MKNK2: variants seen among roughly 807,000 people sequenced by gnomAD.
The protein encoded by MKNK2 is MAPK interacting serine/threonine kinase 2.
A neutral mutation model predicts 55.0 loss-of-function variants in MKNK2; 54 were observed. That is an observed-to-expected ratio of 0.98 (90% CI 0.79 to 1.23). MKNK2 has a LOEUF of 1.23. MKNK2 is among the 50% of genes most tolerant of loss of function. The pLI, the probability that MKNK2 is intolerant of heterozygous loss-of-function variation, is 0.00. For missense variants in MKNK2, 685 were observed against 632.1 expected (o/e 1.08, Z -0.90); for synonymous variants, 323 against 256.0 (o/e 1.26, Z -2.50).
At chr19:2,042,162 G>A (rs1208956908) in intron 10 of MKNK2, 128 bp from the exon 11 acceptor site, 15 of 951,644 alleles carry the variant, frequency 1.6e-5, no homozygotes, top group Admixed American at 3.6e-5. Context: ...CCAATCAGCG[G>A]CTGCCGGGAA....
At position 2,051,121 on chromosome 19, in the gene MKNK2, C is replaced by A. The variant is rs1418331829; in HGVS notation, c.-122G>T. 1 of 198,122 alleles carries A rather than the reference C, an allele frequency of 5.0e-6. No homozygotes were observed. Among genetic ancestry groups the A allele is most frequent in the Admixed American group, 6.1e-5 (1 of 16,352 alleles). The allele number at this position is 198,122 out of a possible 1,614,324, so 12.3% of individuals were successfully genotyped here. ...CGGGGTCGGGCTTGGGCCGGGGCCG[C>A]AGTGCCGCCGCCGCCCCACGTCGCG... On this transcript the variant is annotated 5_prime_UTR_variant, in exon 1 of 14. Coordinates refer to ENST00000250896, the MANE Select transcript of MKNK2 (RefSeq NM_199054.3).
At chr19:2,040,859 G>A (rs148317007) in intron 12 of MKNK2, 181 bp downstream of exon 12, 66 of 648,972 alleles carry the variant, frequency 1.0e-4, no homozygotes, top group East Asian at 6.1e-4. Context: ...AGCGGGCACC[G>A]TGCACAGGCG....
At position 2,046,184 on chromosome 19, in the gene MKNK2, A is replaced by T; in HGVS notation, c.339+2T>A. 1 of 1,608,106 alleles carries T rather than the reference A, an allele frequency of 6.2e-7. No individual in the cohort carries two copies. The highest frequency in any genetic ancestry group is 8.5e-7 in the Non-Finnish European group (1 of 1,179,812). ...GTTCCCCAGGGCGCGGCGCGGGCCC[A>T]CCTTGACGGCGTACTCCTGGCTGGT... On this transcript the variant is annotated splice_donor_variant, in intron 5 of 13. Transcript: ENST00000250896. LOFTEE classifies it high-confidence loss of function.
rs747356148 is a variant in MKNK2, at chr19:2,046,590, C to A, written c.139+14G>T. ...GCAGCTGCCCTGTGCCCTCCTCCCC[C>A]TCGGGCCCCTCACCAGGGCGGGCTG... is the stretch of plus-strand genomic sequence containing the variant. On this transcript the variant is annotated intron_variant, in intron 3 of 13. Coordinates refer to ENST00000250896, the MANE Select transcript of MKNK2 (RefSeq NM_199054.3). The A allele has an allele frequency of 6.4e-7, 1 of 1,560,310 alleles. No homozygotes were observed. Among genetic ancestry groups the A allele is most frequent in the South Asian group, 1.2e-5 (1 of 84,922 alleles).
chr19:2,038,994 G>A lies in MKNK2; in HGVS notation c.*619C>T, dbSNP rs1236309926. 1.0e-6 allele frequency: 1 copy of A among 986,116 alleles called. No homozygotes were observed. Among genetic ancestry groups the A allele is most frequent in the Non-Finnish European group, 1.2e-6 (1 of 830,256 alleles). 61.1% of individuals were successfully genotyped at this position (986,116 alleles called of 1,614,324 possible). ...GTCAACTATCATGGGGACAAGGCAG[G>A]CGCGGGTGAAGGGCTGGGGGATCCC... On this transcript the variant is annotated 3_prime_UTR_variant, in exon 14 of 14. Coordinates refer to ENST00000250896, the MANE Select transcript of MKNK2 (RefSeq NM_199054.3).
intron 7 of MKNK2, 86 bp from the exon 8 acceptor site, chr19:2,042,956 G>T: frequency 7.0e-7 from 1 of 1,429,324 alleles, no homozygotes; most frequent in Non-Finnish European, 9.7e-7. Context: ...CTCCACTTTG[G>T]CGGGGACGCC....
intron 2 of MKNK2, among the ~76,000 whole-genome samples, chr19:2,047,839 C>T (rs1419800139): frequency 1.3e-5 from 2 of 152,088 alleles, no homozygotes; most frequent in African/African-American, 4.8e-5. Context: ...TTCCATCACC[C>T]CTGCCTTCTG....
rs938058328 is a variant in MKNK2 at position 2,050,736 on chromosome 19, G to A, written c.51+65C>T. 9 of 1,448,566 alleles carry A rather than the reference G, an allele frequency of 6.2e-6. No homozygotes were observed. The Admixed American group carries it at 1.2e-4, about 20-fold the overall frequency. 89.7% of individuals were successfully genotyped at this position (1,448,566 alleles called of 1,614,324 possible). Reference sequence around the variant, plus strand: ...AGCCGATCTTAGGGGCGGGCCCCGCGCCCCCCACGCCGGCCATTCCGGTGG... The same window carrying A: ...AGCCGATCTTAGGGGCGGGCCCCGCACCCCCCACGCCGGCCATTCCGGTGG... On this transcript the variant is annotated intron_variant, in intron 2 of 13. Coordinates refer to ENST00000250896, the MANE Select transcript of MKNK2 (RefSeq NM_199054.3).
At chr19:2,040,056 C>T (rs928787802) in intron 13 of MKNK2, 78 bp downstream of exon 13, 82 of 1,483,770 alleles carry the variant, frequency 5.5e-5, no homozygotes, top group Middle Eastern at 1.7e-4. Flanking sequence ...AGCAGTTCTC[C>T]GGGTCTTTCA....
intron 2 of MKNK2, 55 bp from the exon 3 acceptor site, chr19:2,046,746 G>T: frequency 7.2e-7 from 1 of 1,391,640 alleles, no homozygotes; most frequent in African/African-American, 1.5e-5. Context: ...CCACGCAGCA[G>T]GGAGACCTAT....
rs1305297543 is a variant in MKNK2, at chr19:2,046,247, C to T, written c.278G>A (p.Gly93Asp). The T allele has an allele frequency of 1.9e-6, 3 of 1,606,258 alleles. No individual in the cohort carries two copies. The highest frequency in any genetic ancestry group is 1.7e-6 in the Non-Finnish European group (2 of 1,179,920). ...GCAGGTCTGCACTCGGGCATGAGCG[C>T]CCTCCCCCAGCACATCTTCCTGCAG... ...YQLQEDVLGEGAHARVQTCIN... is the reference protein window; with the variant it reads ...YQLQEDVLGEDAHARVQTCIN... The change falls in exon 5 of 14, where the codon GGC becomes GAC. Residue 93 changes from glycine to aspartate, a missense_variant. Gly to Asp is a moderately conservative substitution (Grantham distance 94, BLOSUM62 -1). Transcript: ENST00000250896.
intron 6 of MKNK2, 81 bp downstream of exon 6, chr19:2,043,422 C>G (rs1351272314): frequency 3.7e-6 from 5 of 1,358,148 alleles, no homozygotes; most frequent in African/African-American, 1.4e-5. Flanking sequence ...CAGACGCTTG[C>G]TGGGGGTGAT....
In MKNK2 at chr19:2,037,835, GAAAAA is replaced by G. The variant is rs749159900; in HGVS notation, c.*1773_*1777del. ...GGAGGAAGTGACTGTCCCACCTTCA[GAAAAA>G]AAAAAAAAAACAAACAAACAAACGC... On this transcript the variant is annotated 3_prime_UTR_variant, in exon 14 of 14. Transcript: ENST00000250896. The G allele has an allele frequency of 7.8e-6, 10 of 1,282,498 alleles. No individual in the cohort carries two copies. Among genetic ancestry groups the G allele is most frequent in the South Asian group, 1.5e-5 (1 of 65,422 alleles). The allele number at this position is 1,282,498 out of a possible 1,614,324, so 79.4% of individuals were successfully genotyped here.
intron 11 of MKNK2, 109 bp from the exon 12 acceptor site, chr19:2,041,313 A>G (rs2016877028): frequency 8.7e-7 from 1 of 1,152,412 alleles, no homozygotes; most frequent in Non-Finnish European, 1.2e-6. Context: ...CAGGCCCTAG[A>G]CCACGCACGC....
chr19:2,039,185 G>A lies in MKNK2; in HGVS notation c.*428C>T, dbSNP rs2016819173. ...CGGGCTGGGAGGGAACACGAGGGCAGGGTCCTGTGCCCCTCCCCAGCTCTG... is the reference window on the plus strand; with the variant it reads ...CGGGCTGGGAGGGAACACGAGGGCAAGGTCCTGTGCCCCTCCCCAGCTCTG... On this transcript the variant is annotated 3_prime_UTR_variant, in exon 14 of 14. Transcript: ENST00000250896. 9.9e-7 allele frequency: 1 copy of A among 1,011,150 alleles called. No homozygotes were observed. The highest frequency in any genetic ancestry group is 5.5e-5 in the Admixed American group (1 of 18,134). 62.6% of individuals were successfully genotyped at this position (1,011,150 alleles called of 1,614,324 possible). A position where few individuals can be genotyped will look rare whatever the true frequency, so the allele number is the denominator to read the frequency against.
In MKNK2 at chr19:2,041,926, T is replaced by C. The variant is rs1177789365; in HGVS notation, c.859A>G (p.Ile287Val). 1 of 1,551,458 alleles carries C rather than the reference T, an allele frequency of 6.4e-7. No individual in the cohort carries two copies. Among genetic ancestry groups the C allele is most frequent in the Non-Finnish European group, 8.7e-7 (1 of 1,147,532 alleles). ...DLWSLGVILY[I>V]LLSGYPPFVG... ...AAGGGCGGGTAGCCGCTGAGTAGGA[T>C]ATACAAGATGACGCCCAGGCTCCAC... Residue 287 changes from isoleucine (I) to valine (V), a missense_variant, in exon 11 of 14, where the codon ATC becomes GTC. Ile to Val is a conservative substitution (Grantham distance 29). Transcript: ENST00000250896.
intron 2 of MKNK2, 86 bp downstream of exon 2, chr19:2,050,715 G>T: frequency 7.5e-7 from 1 of 1,335,808 alleles, no homozygotes; most frequent in Non-Finnish European, 1.0e-6. Flanking sequence ...CCCGGGAGCC[G>T]ATCTTAGGGG....
At chr19:2,043,425 G>A in intron 6 of MKNK2, 78 bp downstream of exon 6, 2 of 1,363,272 alleles carry the variant, frequency 1.5e-6, no homozygotes, top group South Asian at 2.3e-5. Context: ...ACGCTTGCTG[G>A]GGGTGATGTG....
At chr19:2,050,735 C>A (rs926707900) in intron 2 of MKNK2, 66 bp downstream of exon 2, 13 of 1,442,290 alleles carry the variant, frequency 9.0e-6, no homozygotes, top group African/African-American at 1.5e-5. Flanking sequence ...GCGGGCCCCG[C>A]GCCCCCCACG....
Sources: gnomAD v4.1 joint callset for allele counts (sites outside exome capture counted in the v4.1 genomes callset) on GRCh38, gnomAD v4.1.1 for gene constraint, MANE v1.5 for transcripts, NCBI Gene and HGNC (gene_info 2026-07-23, HGNC 2026-07-21) for gene names.